The following MAD1L1 variants were observed in gnomAD, a reference collection of about 807,000 sequenced individuals.
The protein encoded by MAD1L1 is mitotic spindle assembly checkpoint protein MAD1.
A neutral mutation model predicts 96.9 loss-of-function variants in MAD1L1; 95 were observed. The observed-to-expected ratio is 0.98, with a 90% CI of 0.83 to 1.16. The LOEUF (loss-of-function observed/expected upper bound fraction) is 1.16. MAD1L1 is among the 50% of genes most tolerant of loss of function. The pLI is 0.00. For synonymous variants in MAD1L1, 473 were observed against 396.6 expected, an observed-to-expected ratio of 1.19 and a Z score of -2.29; for missense variants, 1,007 against 954.4, an observed-to-expected ratio of 1.06 and a Z score of -0.73.
chr7:2,224,566 T>C (rs1793780455), intron 4 of MAD1L1, among the ~76,000 whole-genome samples: 1 of 152,172 alleles, frequency 6.6e-6, no homozygotes, highest in African/African-American at 2.4e-5. Flanking sequence ...TGAGCTATTT[T>C]TCTAGGGCCC....
intron 15 of MAD1L1, 47 bp downstream of exon 15, chr7:1,980,405 TC>T: frequency 1.3e-6 from 2 of 1,494,932 alleles, no homozygotes; most frequent in Non-Finnish European, 1.8e-6. Context: ...CCGCCTCCTC[TC>T]TGGGGGACAC....
chr7:1,893,293 C>A (rs923070889), intron 18 of MAD1L1, among the ~76,000 whole-genome samples: 1 of 85,948 alleles, frequency 1.2e-5, no homozygotes, highest in African/African-American at 5.2e-5. Flanking sequence ...GAAGTCCTGG[C>A]TGGGATGGGA....
intron 13 of MAD1L1, among the ~76,000 whole-genome samples, chr7:2,004,300 G>C (rs537023321): frequency 1.8e-4 from 27 of 152,260 alleles, no homozygotes; most frequent in African/African-American, 6.5e-4. Context: ...AGATGCACCC[G>C]TTAGAGCCAC....
chr7:2,040,841 C>T (rs1199814915), intron 12 of MAD1L1, among the ~76,000 whole-genome samples: 1 of 152,324 alleles, frequency 6.6e-6, no homozygotes, highest in South Asian at 2.1e-4. Context: ...AAAGAAAATG[C>T]GTCAACTCCA....
At chr7:2,219,768 G>A (rs553657887) in intron 5 of MAD1L1, among the ~76,000 whole-genome samples, 5 of 152,162 alleles carry the variant, frequency 3.3e-5, no homozygotes, top group African/African-American at 4.8e-5. Context: ...ACGCTCACAC[G>A]CAGGGCCCAC....
intron 10 of MAD1L1, among the ~76,000 whole-genome samples, chr7:2,175,919 A>G (rs1406884233): frequency 6.6e-6 from 1 of 152,268 alleles, no homozygotes; most frequent in Non-Finnish European, 1.5e-5. Flanking sequence ...TTACTTTAAA[A>G]GGCTAATAAA....
chr7:1,936,521 G>T (rs955531373), intron 17 of MAD1L1, among the ~76,000 whole-genome samples, 166 bp downstream of exon 17: 2 of 152,226 alleles, frequency 1.3e-5, no homozygotes, highest in Admixed American at 6.5e-5. Flanking sequence ...GGGACACGGG[G>T]CCAGGGTGCT....
intron 18 of MAD1L1, among the ~76,000 whole-genome samples, chr7:1,823,771 C>T (rs1782247011): frequency 1.3e-5 from 2 of 152,166 alleles, no homozygotes; most frequent in Admixed American, 6.5e-5. Context: ...GGGAGAAGCA[C>T]CCCCTTGTTC....
intron 17 of MAD1L1, among the ~76,000 whole-genome samples, chr7:1,929,569 C>G (rs988559374): frequency 1.3e-5 from 2 of 152,090 alleles, no homozygotes; most frequent in African/African-American, 4.8e-5. Context: ...AGCAGGGACT[C>G]AGATCCCCGA....
intron 3 of MAD1L1, among the ~76,000 whole-genome samples, chr7:2,228,444 G>A (rs181568997): frequency 9.9e-5 from 15 of 152,064 alleles, no homozygotes; most frequent in Middle Eastern, 3.4e-3. Context: ...GTAGAGATGA[G>A]GTCTTACCAT....
intron 18 of MAD1L1, among the ~76,000 whole-genome samples, chr7:1,829,203 C>T (rs1489403028): frequency 3.3e-5 from 5 of 152,250 alleles, no homozygotes; most frequent in Admixed American, 6.5e-5. Context: ...TCCCCACCTC[C>T]AGGCACCACC....
intron 17 of MAD1L1, among the ~76,000 whole-genome samples, chr7:1,912,517 C>T (rs572964119): frequency 6.6e-6 from 1 of 152,202 alleles, no homozygotes; most frequent in East Asian, 1.9e-4. Context: ...CATCCTCTCA[C>T]GGCTCCTCCT....
chr7:1,990,594 C>T (rs1181197779), intron 14 of MAD1L1, among the ~76,000 whole-genome samples: 1 of 152,280 alleles, frequency 6.6e-6, no homozygotes, highest in African/African-American at 2.4e-5. Context: ...ATGTCCCGGC[C>T]GAATGTTCGC....
At chr7:1,852,301 A>G (rs994848598) in intron 18 of MAD1L1, among the ~76,000 whole-genome samples, 1 of 152,226 alleles carries the variant, frequency 6.6e-6, no homozygotes, top group Non-Finnish European at 1.5e-5. Flanking sequence ...GCAGCGTAGC[A>G]CTAGGCTGTG....
At chr7:2,031,624 G>C (rs1289912515) in intron 12 of MAD1L1, among the ~76,000 whole-genome samples, 1 of 152,202 alleles carries the variant, frequency 6.6e-6, no homozygotes, top group African/African-American at 2.4e-5. Context: ...CGTGGGTGCC[G>C]TGCACATCTG....
At chr7:1,916,479 G>A (rs190365730) in intron 17 of MAD1L1, among the ~76,000 whole-genome samples, 2 of 152,290 alleles carry the variant, frequency 1.3e-5, no homozygotes, top group Admixed American at 6.5e-5. Context: ...GGGACAGCAC[G>A]CTGGGCGGTA....
At chr7:2,162,077 G>A (rs527851120) in intron 10 of MAD1L1, among the ~76,000 whole-genome samples, 40 of 152,248 alleles carry the variant, frequency 2.6e-4, no homozygotes, top group East Asian at 1.4e-3. Context: ...CCACCACCCC[G>A]TCTGGGAGGT....
chr7:2,043,695 C>T (rs1453242218), intron 12 of MAD1L1, among the ~76,000 whole-genome samples: 1 of 152,236 alleles, frequency 6.6e-6, no homozygotes, highest in African/African-American at 2.4e-5. Flanking sequence ...CACAAACAGC[C>T]CTGCGGAGTG....
chr7:2,079,450 G>A (rs1785529622), intron 11 of MAD1L1, among the ~76,000 whole-genome samples: 1 of 152,236 alleles, frequency 6.6e-6, no homozygotes, highest in South Asian at 2.1e-4. Flanking sequence ...ACGGCCAGGG[G>A]AGCAGGCTCT....
Sources: gnomAD v4.1 joint callset for allele counts (sites outside exome capture counted in the v4.1 genomes callset) on GRCh38, gnomAD v4.1.1 for gene constraint, MANE v1.5 for transcripts, NCBI Gene and HGNC (gene_info 2026-07-23, HGNC 2026-07-21) for gene names.